The following ENTREP2 variants were observed in gnomAD, a reference collection of about 807,000 sequenced individuals.
ENTREP2 encodes protein ENTREP2.
chr15:29,259,123 C>A, the ENTREP2 span, among the ~76,000 whole-genome samples: 1 of 152,116 alleles, frequency 6.6e-6, no homozygotes, highest in East Asian at 1.9e-4. Context: ...AGGTCTTTGG[C>A]TGACCATGGA....
At chr15:29,663,515 A>T in the ENTREP2 span, among the ~76,000 whole-genome samples, 1 of 152,218 alleles carries the variant, frequency 6.6e-6, no homozygotes, top group African/African-American at 2.4e-5. Context: ...CATATACACC[A>T]TGAAATACTG....
At chr15:29,439,562 G>C in the ENTREP2 span, among the ~76,000 whole-genome samples, 1 of 152,142 alleles carries the variant, frequency 6.6e-6, no homozygotes, top group Non-Finnish European at 1.5e-5. Flanking sequence ...GAGGGAAACA[G>C]AAAGTCACCC....
At chr15:29,665,224 G>C in the ENTREP2 span, among the ~76,000 whole-genome samples, 1 of 152,156 alleles carries the variant, frequency 6.6e-6, no homozygotes, top group Non-Finnish European at 1.5e-5. Context: ...GTATCTGGCT[G>C]TGTAGGAGAA....
At chr15:29,605,774 T>C in the ENTREP2 span, among the ~76,000 whole-genome samples, 1 of 151,924 alleles carries the variant, frequency 6.6e-6, no homozygotes, top group African/African-American at 2.4e-5. Context: ...GAGGCAGAGG[T>C]TGCAGTGAGC....
the ENTREP2 span, among the ~76,000 whole-genome samples, chr15:29,316,655 C>T: frequency 1.6e-4 from 24 of 152,196 alleles, no homozygotes; most frequent in African/African-American, 4.8e-4. Flanking sequence ...GCAGCTATAG[C>T]TGAGTAATGG....
chr15:29,498,454 T>C, the ENTREP2 span, among the ~76,000 whole-genome samples: 2,065 of 152,316 alleles, frequency 0.014, 41 homozygotes, highest in African/African-American at 0.047. Flanking sequence ...CTTCCATTAG[T>C]TATTTCTAGT....
chr15:29,576,522 A>G, the ENTREP2 span, among the ~76,000 whole-genome samples: 2 of 152,262 alleles, frequency 1.3e-5, no homozygotes, highest in Admixed American at 1.3e-4. Context: ...CATTGTCAAG[A>G]AAGTGAAAAG....
At chr15:29,533,664 G>A in the ENTREP2 span, among the ~76,000 whole-genome samples, 1 of 152,032 alleles carries the variant, frequency 6.6e-6, no homozygotes, top group Non-Finnish European at 1.5e-5. Context: ...CCTGACCCTG[G>A]AAAGTGTTCT....
chr15:29,455,165 A>G, the ENTREP2 span, among the ~76,000 whole-genome samples: 5 of 152,270 alleles, frequency 3.3e-5, no homozygotes, highest in South Asian at 1.0e-3. Context: ...GGATGAGACT[A>G]CAAAGCCCAT....
the ENTREP2 span, among the ~76,000 whole-genome samples, chr15:29,182,127 AT>A: frequency 0.015 from 2,170 of 144,634 alleles, 34 homozygotes; most frequent in African/African-American, 0.047. Context: ...AAAAAAAAGA[AT>A]TTTTTTTTTT....
the ENTREP2 span, among the ~76,000 whole-genome samples, chr15:29,270,437 T>C: frequency 3.6e-3 from 551 of 152,360 alleles, no homozygotes; most frequent in African/African-American, 0.013. Flanking sequence ...AACGTGTCAG[T>C]ATTAGGTAAA....
the ENTREP2 span, among the ~76,000 whole-genome samples, chr15:29,184,618 G>A: frequency 6.6e-6 from 1 of 152,284 alleles, no homozygotes; most frequent in South Asian, 2.1e-4. Flanking sequence ...ACTTCACTGC[G>A]GTTGGGGTGG....
the ENTREP2 span, among the ~76,000 whole-genome samples, chr15:29,454,535 C>T: frequency 1.3e-5 from 2 of 152,202 alleles, no homozygotes; most frequent in Admixed American, 1.3e-4. Context: ...CTCTCTTTGC[C>T]TCAATTTCCT....
At chr15:29,236,401 T>A in the ENTREP2 span, among the ~76,000 whole-genome samples, 1 of 152,034 alleles carries the variant, frequency 6.6e-6, no homozygotes. Context: ...ATCCTAGCAC[T>A]TTTGGAGGCT....
the ENTREP2 span, among the ~76,000 whole-genome samples, chr15:29,348,031 G>A: frequency 7.9e-5 from 12 of 152,166 alleles, no homozygotes; most frequent in African/African-American, 2.2e-4. Context: ...CAGATTCTGC[G>A]TCAGGGTGCA....
the ENTREP2 span, among the ~76,000 whole-genome samples, chr15:29,433,337 C>G: frequency 6.6e-6 from 1 of 152,218 alleles, no homozygotes; most frequent in Non-Finnish European, 1.5e-5. Context: ...AAATGGACCA[C>G]AGGTGCCCCT....
the ENTREP2 span, among the ~76,000 whole-genome samples, chr15:29,561,219 C>A: frequency 2.0e-5 from 3 of 151,532 alleles, no homozygotes; most frequent in Non-Finnish European, 4.4e-5. Context: ...ATAGAACTAT[C>A]CCATGTAGCA....
chr15:29,570,819 G>A, the ENTREP2 span: 2 of 401,230 alleles, frequency 5.0e-6, no homozygotes, highest in Non-Finnish European at 6.7e-6. Flanking sequence ...TGCGCCGGGT[G>A]CAGGGACGGC....
chr15:29,189,017 G>C, the ENTREP2 span, among the ~76,000 whole-genome samples: 1 of 152,186 alleles, frequency 6.6e-6, no homozygotes, highest in Non-Finnish European at 1.5e-5. Context: ...TCTCCACCTG[G>C]CTGTGCACCT....
Sources: allele counts gnomAD v4.1 joint callset (sites outside exome capture counted in the v4.1 genomes callset), GRCh38; gene constraint gnomAD v4.1.1; transcripts MANE v1.5; gene names NCBI Gene and HGNC (gene_info 2026-07-23, HGNC 2026-07-21).